SYNJ2: variants seen among roughly 807,000 people sequenced by gnomAD.
The protein encoded by SYNJ2 is synaptojanin 2.
A neutral mutation model predicts 141.3 loss-of-function variants in SYNJ2; 116 were observed. That is an observed-to-expected ratio of 0.82 (90% CI 0.71 to 0.96). The LOEUF is 0.96. Ranked by LOEUF, SYNJ2 falls within the 40% of genes least tolerant of loss-of-function variation. The probability of loss-of-function intolerance (pLI) is 0.00; values close to 1 mark genes in which losing one functional copy is unlikely to be tolerated. For missense variants in SYNJ2, 1,873 were observed against 1,934.8 expected (o/e 0.97, Z 0.60); for synonymous variants, 745 against 777.7 (o/e 0.96, Z 0.70).
At position 157,984,439 on chromosome 6, in the gene SYNJ2, G is replaced by A. The variant is rs62423496; in HGVS notation, c.127+2351G>A. Among the ~76,000 whole-genome samples the A allele has an allele frequency of 2.9e-3, 444 of 152,034 alleles. 1 individual carries two copies. The highest frequency in any genetic ancestry group is 5.0e-3 in the Non-Finnish European group (338 of 67,988). On this transcript the variant is annotated intron_variant, in intron 1 of 26. Transcript: ENST00000355585. ...TTTGAGATGGAGCTTCACTCTTGTT[G>A]CCTGGGCTGAGTGAAGTGGTGCGAT...
Position 158,093,094 on chromosome 6 carries a change from G to T in SYNJ2, c.3734G>T (p.Arg1245Met), listed in dbSNP as rs776755766. Residue 1245 changes from arginine to methionine, a missense_variant, in exon 26 of 27, where the codon AGG (arginine) becomes ATG (methionine). Coordinates refer to ENST00000355585, the MANE Select transcript of SYNJ2 (RefSeq NM_003898.4). ...VPAIKKPTLRRTGKPLSPEEQ... is the reference protein window; with the variant it reads ...VPAIKKPTLRMTGKPLSPEEQ... ...GCCATCAAGAAGCCAACCTTGAGAA[G>T]GACAGGAAAGGTAAAAGCCTGGTAA... is the stretch of plus-strand genomic sequence containing the variant. 2.5e-6 allele frequency: 4 copies of T among 1,609,528 alleles called. No homozygotes were observed. The South Asian group carries it at 4.4e-5, about 18-fold the overall frequency.
In SYNJ2 at chr6:158,027,172, A is replaced by C; in HGVS notation, c.215-1584A>C. ...CTTCTCCCTATGAAGTGTGGTGAGG[A>C]AATTGGGGTGAGAGGGTGGTGGAAC... On this transcript the variant is annotated intron_variant, in intron 2 of 26. Coordinates refer to ENST00000355585, the MANE Select transcript of SYNJ2 (RefSeq NM_003898.4). The surrounding 1 kb of genome is among the most constrained non-coding windows in gnomAD (Gnocchi z 4.6). The C allele has an allele frequency of 1.0e-6, 1 of 985,272 alleles. No individual in the cohort carries two copies. The allele number at this position is 985,272 out of a possible 1,614,324, so 61.0% of individuals were successfully genotyped here.
At chr6:158,069,208 TC>T (rs1247269954) in intron 13 of SYNJ2, among the ~76,000 whole-genome samples, 1 of 151,702 alleles carries the variant, frequency 6.6e-6, no homozygotes, top group African/African-American at 2.4e-5. Flanking sequence ...AACTGGGCGC[TC>T]CCCCCACCCC....
rs765659854 is a variant in SYNJ2, at chr6:158,095,577, A to G, written c.3745-41A>G. On this transcript the variant is annotated intron_variant, in intron 26 of 26. Transcript: ENST00000355585. ...TTCTCTGATCCTCAGCTGCCTAGTT[A>G]TTGGCTTCTTATTTACACTCTTTGT... is the stretch of plus-strand genomic sequence containing the variant. 2.0e-6 allele frequency: 3 copies of G among 1,532,854 alleles called. No homozygotes were observed. The South Asian group carries it at 3.8e-5, about 20-fold the overall frequency. The allele number at this position is 1,532,854 out of a possible 1,614,324, so 95.0% of individuals were successfully genotyped here.
chr6:158,024,822 C>T (rs1036947512), intron 2 of SYNJ2, among the ~76,000 whole-genome samples: 1 of 152,152 alleles, frequency 6.6e-6, no homozygotes, highest in Non-Finnish European at 1.5e-5. Context: ...CTCCTGCAAT[C>T]CTGTAAATAA....
rs1428945968 is a variant in SYNJ2 at position 158,078,197 on chromosome 6, AT to A, written c.2484del (p.Asp828GlufsTer66). On this transcript the variant is annotated frameshift_variant, in exon 18 of 27. Coordinates refer to ENST00000355585, the MANE Select transcript of SYNJ2 (RefSeq NM_003898.4). LOFTEE classifies it high-confidence loss of function. The stretch of plus-strand genomic sequence containing the variant: ...CTCAACCTTCTAGACAGTGATCTAG[AT>A]GTTGACACCAAAGTCAGACACACCT... ...GELNLLDSDL[D>X]VDTKVRHTWS... 6.2e-7 allele frequency: 1 copy of A among 1,614,028 alleles called. No homozygotes were observed. The highest frequency in any genetic ancestry group is 8.5e-7 in the Non-Finnish European group (1 of 1,179,912).
At chr6:158,013,768 T>C (rs12210897) in intron 1 of SYNJ2, among the ~76,000 whole-genome samples, 1,716 of 152,092 alleles carry the variant, frequency 0.011, 19 homozygotes, top group Non-Finnish European at 0.015. Context: ...TGTAAACGAG[T>C]GTGGTTTTCA....
chr6:158,058,877 G>A (rs1392332203), intron 6 of SYNJ2, among the ~76,000 whole-genome samples: 1 of 152,212 alleles, frequency 6.6e-6, no homozygotes, highest in Non-Finnish European at 1.5e-5. Context: ...AGGCAGCAGT[G>A]AGCTATGATC....
chr6:158,019,053 A>T (rs1208539585), intron 2 of SYNJ2, among the ~76,000 whole-genome samples: 1 of 152,232 alleles, frequency 6.6e-6, no homozygotes, highest in Non-Finnish European at 1.5e-5. Context: ...CCTGCCTTGC[A>T]GGTGTGGCAG....
In SYNJ2 at chr6:158,071,707, A is replaced by G. The variant is rs775077958; in HGVS notation, c.2046A>G (p.Ile682Met). 18 of 1,613,956 alleles carry G rather than the reference A, an allele frequency of 1.1e-5. No individual in the cohort carries two copies. Among genetic ancestry groups the G allele is most frequent in the South Asian group, 7.7e-5 (7 of 91,092 alleles). The change falls in exon 15 of 27, where the codon ATA (isoleucine) becomes ATG (methionine). Residue 682 changes from isoleucine (I) to methionine (M), a missense_variant. Transcript: ENST00000355585. This position sits in a 1 kb window ranked among gnomAD's most constrained non-coding sequence, Gnocchi z 4.3. ...TCCACAGCACCAGCTTCTGCTTCAT[A>G]TGTAGTCACCTGACGGCCGGGCAGT... is the stretch of plus-strand genomic sequence containing the variant. ...FQFHSTSFCF[I>M]CSHLTAGQSQ...
rs1198441976 is a variant in SYNJ2, at chr6:158,096,335, C to T, written c.4462C>T (p.Gln1488Ter). 1 of 1,610,866 alleles carries T rather than the reference C, an allele frequency of 6.2e-7. No homozygotes were observed. Among genetic ancestry groups the T allele is most frequent in the East Asian group, 2.2e-5 (1 of 44,874 alleles). The change falls in exon 27 of 27, where the codon CAG becomes TAG. Residue 1488 changes from glutamine to a stop codon, truncating the protein, a stop_gained. Transcript: ENST00000355585. LOFTEE classifies it high-confidence loss of function. ...TGACCAAGAAAAGAGGACAGCACTG[C>T]AGGTGTTTGACCCACTGGCAAAAAC... ...ISDQEKRTAL[Q>*]VFDPLAKT
chr6:158,066,612 T>A lies in SYNJ2; in HGVS notation c.1694T>A (p.Leu565His). 3 of 1,613,726 alleles carry A rather than the reference T, an allele frequency of 1.9e-6. No homozygotes were observed. Among genetic ancestry groups the A allele is most frequent in the Non-Finnish European group, 2.5e-6 (3 of 1,179,990 alleles). ...LTDWLLDSPQLSGATDSQDDS... is the reference protein window; with the variant it reads ...LTDWLLDSPQHSGATDSQDDS... Reference sequence around the variant, plus strand: ...GACTGGCTGCTCGACTCGCCCCAGCTCTCGGGAGCTACCGACTCCCAGGGT... The same window carrying A: ...GACTGGCTGCTCGACTCGCCCCAGCACTCGGGAGCTACCGACTCCCAGGGT... Residue 565 changes from leucine to histidine, a missense_variant, in exon 12 of 27, where the codon CTC becomes CAC. By Grantham distance (99) the Leu-to-His change is moderately conservative. Transcript: ENST00000355585.
rs1283850382 is a variant in SYNJ2, at chr6:157,997,026, CA to C, written c.127+14939del. Among the ~76,000 whole-genome samples the C allele has an allele frequency of 3.5e-4, 47 of 132,694 alleles. 2 individuals are homozygous for C. The highest frequency in any genetic ancestry group is 9.4e-4 in the African/African-American group (31 of 33,096). 87.1% of individuals were successfully genotyped at this position (132,694 alleles called of 152,430 possible). On this transcript the variant is annotated intron_variant, in intron 1 of 26. Transcript: ENST00000355585. ...GCTGCCTCCGTCTCCCCACCTACCC[CA>C]CCCCCCCCCACCCAGCTTCGTGACT...
intron 18 of SYNJ2, among the ~76,000 whole-genome samples, chr6:158,080,454 A>G (rs1274472977): frequency 1.3e-5 from 2 of 150,392 alleles, no homozygotes; most frequent in African/African-American, 4.9e-5. Flanking sequence ...CAGCCTGGAC[A>G]ACAGAGGGAG....
chr6:158,063,757 A>G (rs781755821), intron 8 of SYNJ2, 34 bp from the exon 9 acceptor site: 27 of 1,602,270 alleles, frequency 1.7e-5, no homozygotes, highest in East Asian at 2.2e-5. Context: ...TTTGAAAACA[A>G]CATATAACCG....
rs141696506 is a variant in SYNJ2 at position 158,081,295 on chromosome 6, C to T, written c.2754C>T (p.Thr918=). 4.2e-5 allele frequency: 68 copies of T among 1,614,030 alleles called. No homozygotes were observed. The highest frequency in any genetic ancestry group is 2.2e-5 in the East Asian group (1 of 44,896). ...PEDLRTELMQ[T]LGSYGTIVLV... ...ACCTGCGTACTGAGCTCATGCAGAC[C>T]TTGGGGAGTTATGGGACAATTGTTC... Residue 918 remains threonine (T), a synonymous_variant, in exon 19 of 27, where the codon ACC becomes ACT. Transcript: ENST00000355585.
intron 17 of SYNJ2, 68 bp from the exon 18 acceptor site, chr6:158,078,096 T>G (rs1247751901): frequency 4.8e-6 from 5 of 1,033,388 alleles, no homozygotes; most frequent in Non-Finnish European, 7.5e-6. Flanking sequence ...TGTGGAAGTG[T>G]CATGATCGCA....
At chr6:158,054,068 TCCATCCATTCAG>T (rs1780725509) in intron 5 of SYNJ2, among the ~76,000 whole-genome samples, 1 of 148,278 alleles carries the variant, frequency 6.7e-6, no homozygotes. Flanking sequence ...CCACCCATTA[TCCATCCATTCAG>T]CCATCCACCC....
intron 3 of SYNJ2, chr6:158,029,274 C>T (rs550177784): frequency 4.9e-4 from 199 of 402,102 alleles, no homozygotes; most frequent in African/African-American, 3.3e-3. Flanking sequence ...CTGCGCCAGG[C>T]ATGGTGCCTC....
Sources: allele counts gnomAD v4.1 joint callset (sites outside exome capture counted in the v4.1 genomes callset), GRCh38; gene constraint gnomAD v4.1.1; non-coding constraint Gnocchi (gnomAD v3.1); transcripts MANE v1.5; gene names NCBI Gene and HGNC (gene_info 2026-07-23, HGNC 2026-07-21).